The following AGBL1 variants were observed in gnomAD, a reference collection of about 807,000 sequenced individuals.
The protein encoded by AGBL1 is cytosolic carboxypeptidase 4.
A neutral mutation model predicts 118.9 loss-of-function variants in AGBL1; 130 were observed. The observed-to-expected ratio is 1.09, with a 90% CI of 0.95 to 1.26. The LOEUF is 1.26. Among genes scored for constraint, AGBL1 ranks in the 50% most tolerant of loss-of-function variants. AGBL1 has a pLI of 0.00. For synonymous variants in AGBL1, 555 were observed against 478.9 expected, an observed-to-expected ratio of 1.16 and a Z score of -2.08; for missense variants, 1,584 against 1,298.1, an observed-to-expected ratio of 1.22 and a Z score of -3.38.
rs139288518 is a variant in AGBL1, at chr15:86,332,384, C to T, written c.2374+36976C>T. Among the ~76,000 whole-genome samples, 412 of 152,214 alleles carry T rather than the reference C, an allele frequency of 2.7e-3. 12 individuals carry two copies. In the East Asian group the frequency reaches 0.071, roughly 26 times the overall value. On this transcript the variant is annotated intron_variant, in intron 17 of 22. Transcript: ENST00000614907. ...ACTCCGGGCCAGGCGCAGTGGCTCACGCCTGTAATCCCAGCACTTTGGGAG... is the reference window on the plus strand; with the variant it reads ...ACTCCGGGCCAGGCGCAGTGGCTCATGCCTGTAATCCCAGCACTTTGGGAG...
chr15:86,538,288 G>A (rs1247434786), intron 19 of AGBL1, among the ~76,000 whole-genome samples: 1 of 152,180 alleles, frequency 6.6e-6, no homozygotes, highest in African/African-American at 2.4e-5. Context: ...AGGAAACAGA[G>A]CATAAAATCC....
chr15:86,869,027 G>T (rs1481785101), intron 22 of AGBL1, among the ~76,000 whole-genome samples: 1 of 152,174 alleles, frequency 6.6e-6, no homozygotes, highest in Non-Finnish European at 1.5e-5. Context: ...GCATCATTTT[G>T]AAAGAATTTT....
chr15:86,489,551 T>C (rs1214390712), intron 18 of AGBL1, among the ~76,000 whole-genome samples: 1 of 152,172 alleles, frequency 6.6e-6, no homozygotes, highest in African/African-American at 2.4e-5. Context: ...TATATTATCT[T>C]CTATCTGGCA....
At chr15:86,831,658 C>T (rs1263255580) in intron 22 of AGBL1, among the ~76,000 whole-genome samples, 1 of 152,208 alleles carries the variant, frequency 6.6e-6, no homozygotes. Context: ...TGTGGCTTTG[C>T]AGAATATAGC....
intron 16 of AGBL1, among the ~76,000 whole-genome samples, chr15:86,281,380 C>A (rs993096873): frequency 6.6e-6 from 1 of 151,988 alleles, no homozygotes; most frequent in East Asian, 1.9e-4. Flanking sequence ...GAGACCCTAT[C>A]TAAAAAACAA....
At chr15:86,934,214 C>A (rs962852155) in intron 23 of AGBL1, among the ~76,000 whole-genome samples, 2 of 152,182 alleles carry the variant, frequency 1.3e-5, no homozygotes, top group African/African-American at 2.4e-5. Context: ...TCCAAGGAGA[C>A]TTGTTCTGCA....
chr15:86,917,361 C>T (rs1375554707), downstream of AGBL1, among the ~76,000 whole-genome samples: 1 of 152,168 alleles, frequency 6.6e-6, no homozygotes, highest in Non-Finnish European at 1.5e-5. The surrounding 1 kb of genome is among the most constrained non-coding windows in gnomAD (Gnocchi z 4.8). Flanking sequence ...TGGGGCCCAG[C>T]TTCCTCCTAG....
intron 22 of AGBL1, among the ~76,000 whole-genome samples, chr15:86,738,471 T>C (rs915708065): frequency 3.3e-5 from 5 of 152,114 alleles, no homozygotes; most frequent in South Asian, 2.1e-4. Flanking sequence ...ATCTCATATA[T>C]AGAAAAACTT....
intron 21 of AGBL1, among the ~76,000 whole-genome samples, chr15:86,557,588 C>A (rs112872648): frequency 6.6e-6 from 1 of 152,122 alleles, no homozygotes; most frequent in Non-Finnish European, 1.5e-5. Context: ...TATTGTGGGA[C>A]CTTCCTGCAG....
At chr15:86,358,803 G>T (rs2141916187) in intron 17 of AGBL1, among the ~76,000 whole-genome samples, 1 of 151,946 alleles carries the variant, frequency 6.6e-6, no homozygotes, top group African/African-American at 2.4e-5. Context: ...TACACCTGTT[G>T]GCTGTTTGTA....
At chr15:86,455,687 G>C (rs1184376566) in intron 18 of AGBL1, among the ~76,000 whole-genome samples, 2 of 152,012 alleles carry the variant, frequency 1.3e-5, no homozygotes, top group African/African-American at 4.8e-5. Context: ...ACTGTTCTAA[G>C]TGCTGTGTAG....
At chr15:86,589,487 A>C (rs1055679013) in intron 21 of AGBL1, among the ~76,000 whole-genome samples, 1 of 152,200 alleles carries the variant, frequency 6.6e-6, no homozygotes, top group Non-Finnish European at 1.5e-5. Context: ...TTCGATATGC[A>C]TGCATTCTGG....
intron 23 of AGBL1, among the ~76,000 whole-genome samples, chr15:86,968,601 A>T (rs772139208): frequency 5.3e-5 from 8 of 151,928 alleles, no homozygotes; most frequent in Admixed American, 4.6e-4. Flanking sequence ...TCTGATTTTC[A>T]TCTTACCCTG....
intron 22 of AGBL1, among the ~76,000 whole-genome samples, chr15:86,753,457 G>A (rs1335549368): frequency 6.9e-6 from 1 of 145,538 alleles, no homozygotes; most frequent in Non-Finnish European, 1.5e-5. Flanking sequence ...GAGTGCAGTG[G>A]CATGATCTTG....
At chr15:86,807,727 C>T (rs909850585) in intron 22 of AGBL1, among the ~76,000 whole-genome samples, 1 of 152,054 alleles carries the variant, frequency 6.6e-6, no homozygotes, top group African/African-American at 2.4e-5. Context: ...GGAAGTGAAT[C>T]CTCACTCTGA....
intron 12 of AGBL1, 89 bp downstream of exon 12, chr15:86,266,546 C>T: frequency 3.4e-6 from 3 of 888,514 alleles, no homozygotes; most frequent in Non-Finnish European, 3.4e-6. Flanking sequence ...TAATAATCCA[C>T]TCCTCCTCCT....
At chr15:86,688,997 C>T (rs2086112956) in intron 22 of AGBL1, among the ~76,000 whole-genome samples, 1 of 152,142 alleles carries the variant, frequency 6.6e-6, no homozygotes, top group Admixed American at 6.6e-5. Flanking sequence ...TTTTTACACT[C>T]AGCATAATAC....
In AGBL1 at chr15:86,264,436, G is replaced by C. The variant is rs756846746; in HGVS notation, c.1265G>C (p.Gly422Ala). The C allele has an allele frequency of 1.2e-6, 2 of 1,614,034 alleles. No homozygotes were observed. Among genetic ancestry groups the C allele is most frequent in the Non-Finnish European group, 8.5e-7 (1 of 1,179,904 alleles). Reference protein sequence around the residue: ...QTSLLCRVKTGRSTVHLGSKK... With the variant: ...QTSLLCRVKTARSTVHLGSKK... ...TCCCTTCTGTGCAGGGTGAAGACGG[G>C]AAGGTCCACTGTGCATCTAGGCTCC... Residue 422 changes from glycine (G) to alanine (A), a missense_variant, in exon 11 of 23, where the codon GGA becomes GCA. Gly to Ala is a moderately conservative substitution (Grantham distance 60). Transcript: ENST00000614907.
At chr15:86,208,846 T>C (rs965014995) in intron 5 of AGBL1, among the ~76,000 whole-genome samples, 3 of 152,206 alleles carry the variant, frequency 2.0e-5, no homozygotes, top group African/African-American at 7.2e-5. Context: ...CTTAGTTATT[T>C]CTTGCCTTAT....
Sources: allele counts gnomAD v4.1 joint callset (sites outside exome capture counted in the v4.1 genomes callset), GRCh38; gene constraint gnomAD v4.1.1; non-coding constraint Gnocchi (gnomAD v3.1); transcripts MANE v1.5; gene names NCBI Gene and HGNC (gene_info 2026-07-23, HGNC 2026-07-21).